Variants in PFKFB3 observed in about 807,000 individuals in gnomAD.
The protein encoded by PFKFB3 is 6-phosphofructo-2-kinase/fructose-2,6-biphosphatase 3, also known as 6-phosphofructo-2-kinase/fructose-2,6-bisphosphatase 3.
A neutral mutation model predicts 68.0 loss-of-function variants in PFKFB3; 33 were observed. That is an observed-to-expected ratio of 0.49 (90% confidence interval 0.37 to 0.65). The LOEUF (loss-of-function observed/expected upper bound fraction) is 0.65. Ranked by LOEUF, PFKFB3 falls within the 30% of genes least tolerant of loss-of-function variation. The pLI is 0.00. For synonymous variants in PFKFB3, 315 were observed against 288.2 expected, an observed-to-expected ratio of 1.09 and a Z score of -0.94; for missense variants, 586 against 712.2, an observed-to-expected ratio of 0.82 and a Z score of 2.02.
downstream of PFKFB3, chr10:6,235,669 C>G (rs1332153724): frequency 6.6e-6 from 1 of 152,204 alleles, no homozygotes; most frequent in African/African-American, 2.4e-5. Flanking sequence ...TACAGAGTGT[C>G]TAGTGCCTGC....
At chr10:6,203,965 G>C (rs1253724725) in intron 1 of PFKFB3, among the ~76,000 whole-genome samples, 2 of 152,202 alleles carry the variant, frequency 1.3e-5, no homozygotes, top group African/African-American at 4.8e-5. Flanking sequence ...CCGTGCTGGG[G>C]GCGCCAGGAG....
chr10:6,260,149 C>T, the PFKFB3 span, among the ~76,000 whole-genome samples: 15 of 152,234 alleles, frequency 9.9e-5, no homozygotes, highest in East Asian at 3.9e-4. Flanking sequence ...CACGGTGGCT[C>T]ACGCTTGTAA....
intron 1 of PFKFB3, among the ~76,000 whole-genome samples, chr10:6,174,670 A>G (rs77161120): frequency 0.011 from 1,650 of 152,316 alleles, 70 homozygotes; most frequent in East Asian, 0.099. Context: ...GTGCGGGCAC[A>G]AAGCCCCAGA....
chr10:6,316,794 A>G, the PFKFB3 span, among the ~76,000 whole-genome samples: 1 of 152,266 alleles, frequency 6.6e-6, no homozygotes, highest in Middle Eastern at 3.4e-3. Flanking sequence ...TGGGAGTGGC[A>G]TCTTCTTCCA....
the PFKFB3 span, among the ~76,000 whole-genome samples, chr10:6,273,163 C>T: frequency 2.6e-5 from 4 of 151,926 alleles, no homozygotes; most frequent in South Asian, 2.1e-4. Flanking sequence ...TCTGCCACCA[C>T]GTGCGGCTAA....
the PFKFB3 span, among the ~76,000 whole-genome samples, chr10:6,271,880 G>A: frequency 5.9e-5 from 9 of 152,214 alleles, no homozygotes; most frequent in Non-Finnish European, 1.2e-4. Flanking sequence ...AACCTTGAAT[G>A]GGAAGAAGTA....
intron 1 of PFKFB3, among the ~76,000 whole-genome samples, chr10:6,185,113 G>A (rs1842834075): frequency 6.6e-6 from 1 of 152,212 alleles, no homozygotes; most frequent in African/African-American, 2.4e-5. Flanking sequence ...GACACTAGAG[G>A]AAGAAGCACT....
intron 1 of PFKFB3, among the ~76,000 whole-genome samples, chr10:6,193,740 G>A (rs999436900): frequency 3.3e-5 from 5 of 152,302 alleles, no homozygotes; most frequent in African/African-American, 1.2e-4. Flanking sequence ...AATGTTTTGG[G>A]GGCAGTGGGT....
the PFKFB3 span, among the ~76,000 whole-genome samples, chr10:6,263,750 A>G: frequency 1.3e-5 from 2 of 152,188 alleles, no homozygotes; most frequent in South Asian, 2.1e-4. Flanking sequence ...CAATGGTGCA[A>G]TCTCGGCTCA....
chr10:6,232,583 C>T (rs1389724159), intron 14 of PFKFB3, among the ~76,000 whole-genome samples: 1 of 152,144 alleles, frequency 6.6e-6, no homozygotes, highest in Non-Finnish European at 1.5e-5. Flanking sequence ...GCATGAGGCT[C>T]CTGTAGTTAC....
chr10:6,192,270 C>A (rs908096412), intron 1 of PFKFB3, among the ~76,000 whole-genome samples: 4 of 151,908 alleles, frequency 2.6e-5, no homozygotes, highest in African/African-American at 9.7e-5. Context: ...TCATATGAAC[C>A]CTACACATTG....
At position 6,232,912 on chromosome 10, in the gene PFKFB3, G is replaced by A; in HGVS notation, c.1533G>A (p.Arg511=). The change falls in exon 15 of 15, where the codon CGG becomes CGA. Residue 511 remains arginine (R), a synonymous_variant. Coordinates refer to ENST00000379775, the MANE Select transcript of PFKFB3 (RefSeq NM_004566.4). ...QLPGQNMKGS[R]SSADSSRKH is the part of the protein sequence containing the mutation. ...GAAAACAGAACATGAAAGGCTCCCG[G>A]AGCAGCGCTGACTCCTCCAGGAAAC... 1 of 1,613,450 alleles carries A rather than the reference G, an allele frequency of 6.2e-7. No individual in the cohort carries two copies. Among genetic ancestry groups the A allele is most frequent in the South Asian group, 1.1e-5 (1 of 91,060 alleles).
At chr10:6,159,763 G>C (rs1259554079) in intron 1 of PFKFB3, among the ~76,000 whole-genome samples, 1 of 151,274 alleles carries the variant, frequency 6.6e-6, no homozygotes, top group African/African-American at 2.4e-5. Flanking sequence ...CATATGGTAA[G>C]GTACTTTTTA....
chr10:6,242,561 C>A (rs1301809886), intron 14 of PFKFB3, among the ~76,000 whole-genome samples: 1 of 152,028 alleles, frequency 6.6e-6, no homozygotes. Context: ...ACTGTTCCCA[C>A]CGTAGTGCCC....
chr10:6,180,077 G>A (rs532757260), intron 1 of PFKFB3, among the ~76,000 whole-genome samples: 106 of 151,986 alleles, frequency 7.0e-4, no homozygotes, highest in Non-Finnish European at 7.5e-4. Context: ...GCTCGGTGGC[G>A]CTCGCGTGTA....
At chr10:6,314,652 A>G in the PFKFB3 span, among the ~76,000 whole-genome samples, 8 of 152,350 alleles carry the variant, frequency 5.3e-5, no homozygotes, top group South Asian at 1.7e-3. Flanking sequence ...GTTAAGAACC[A>G]TACCTGTGCT....
At chr10:6,178,853 G>T (rs959082901) in intron 1 of PFKFB3, among the ~76,000 whole-genome samples, 1 of 152,206 alleles carries the variant, frequency 6.6e-6, no homozygotes, top group Non-Finnish European at 1.5e-5. Flanking sequence ...GAGCCGGGAC[G>T]CAGCGCACTG....
In PFKFB3 at chr10:6,219,397, C is replaced by G. The variant is rs187867894; in HGVS notation, c.499-172C>G. On this transcript the variant is annotated intron_variant, in intron 6 of 14. Transcript: ENST00000379775. ...CCAGGGAATCCTCCCCATGTAACAT[C>G]AGGCTGTGACTCAGCCCCCAGCATC... is the stretch of plus-strand genomic sequence containing the variant. 16 of 632,452 alleles carry G rather than the reference C, an allele frequency of 2.5e-5. No homozygotes were observed. The East Asian group carries it at 4.3e-4, about 17-fold the overall frequency. The allele number at this position is 632,452 out of a possible 1,614,324, so 39.2% of individuals were successfully genotyped here.
chr10:6,322,235 A>G, the PFKFB3 span, among the ~76,000 whole-genome samples: 3 of 152,170 alleles, frequency 2.0e-5, no homozygotes, highest in African/African-American at 7.2e-5. Flanking sequence ...CTACAGCCCC[A>G]GACCCTCAAT....
Sources: allele counts gnomAD v4.1 joint callset (sites outside exome capture counted in the v4.1 genomes callset), GRCh38; gene constraint gnomAD v4.1.1; transcripts MANE v1.5; gene names NCBI Gene and HGNC (gene_info 2026-07-23, HGNC 2026-07-21).